TMEM200A: variants seen among roughly 807,000 people sequenced by gnomAD.
TMEM200A encodes the protein transmembrane protein 200A.
TMEM200A carries 12 observed loss-of-function variants against 24.3 expected under a neutral mutation model. The ratio of observed to expected loss-of-function variants is 0.49; its 90% confidence interval spans 0.32 to 0.80. The LOEUF (loss-of-function observed/expected upper bound fraction) is 0.80. TMEM200A is among the 30% of genes least tolerant of loss of function. The pLI, the probability that TMEM200A is intolerant of heterozygous loss-of-function variation, is 0.04. For missense variants in TMEM200A, 545 were observed against 614.4 expected, an observed-to-expected ratio of 0.89 and a Z score of 1.19; for synonymous variants, 224 against 224.4, an observed-to-expected ratio of 1.00 and a Z score of 0.02.
At chr6:130,386,833 G>T (rs780957917) in intron 2 of TMEM200A, among the ~76,000 whole-genome samples, 16 of 152,124 alleles carry the variant, frequency 1.1e-4, no homozygotes, top group Non-Finnish European at 2.4e-4. Context: ...TTAAAACTAT[G>T]CTCAAAGGCA....
At chr6:130,380,670 A>C (rs1778574908) in intron 1 of TMEM200A, among the ~76,000 whole-genome samples, 1 of 152,206 alleles carries the variant, frequency 6.6e-6, no homozygotes, top group African/African-American at 2.4e-5. Flanking sequence ...CCTACAGTGA[A>C]ATACATAGCA....
intron 1 of TMEM200A, among the ~76,000 whole-genome samples, chr6:130,378,214 C>G (rs1778507420): frequency 6.6e-6 from 1 of 152,080 alleles, no homozygotes; most frequent in Admixed American, 6.5e-5. Flanking sequence ...ATATCACTTT[C>G]ATGTGACCAC....
At chr6:130,365,826 C>T, upstream of TMEM200A, 3 of 985,640 alleles carry the variant, frequency 3.0e-6, no homozygotes, top group Non-Finnish European at 3.6e-6. Flanking sequence ...TCCTGCAGAG[C>T]AGATCCTGTC....
intron 2 of TMEM200A, among the ~76,000 whole-genome samples, chr6:130,389,308 C>A (rs990433148): frequency 1.3e-5 from 2 of 152,164 alleles, no homozygotes; most frequent in African/African-American, 4.8e-5. Context: ...TCCTGATTTC[C>A]AGCCCTGGGC....
intron 2 of TMEM200A, among the ~76,000 whole-genome samples, chr6:130,398,600 A>G (rs548011304): frequency 1.3e-5 from 2 of 152,268 alleles, no homozygotes; most frequent in Admixed American, 1.3e-4. Context: ...CACTACCACC[A>G]GTAGTGTATA....
chr6:130,420,405 C>T (rs1205703628), intron 2 of TMEM200A, among the ~76,000 whole-genome samples: 1 of 152,116 alleles, frequency 6.6e-6, no homozygotes, highest in East Asian at 1.9e-4. Context: ...TGACCCATTG[C>T]TATCTGGAAG....
At chr6:130,384,674 C>G (rs1473457425) in intron 1 of TMEM200A, among the ~76,000 whole-genome samples, 1 of 152,136 alleles carries the variant, frequency 6.6e-6, no homozygotes, top group Non-Finnish European at 1.5e-5. Flanking sequence ...TTCAAACTTT[C>G]CTTTGTAGTT....
chr6:130,424,397 G>T (rs77323575), intron 2 of TMEM200A, among the ~76,000 whole-genome samples: 2,776 of 152,172 alleles, frequency 0.018, 23 homozygotes, highest in Non-Finnish European at 0.027. Context: ...ATAAATGCTA[G>T]TTCTCTTCTC....
At chr6:130,433,135 T>C (rs1037050021) in intron 2 of TMEM200A, among the ~76,000 whole-genome samples, 2 of 144,828 alleles carry the variant, frequency 1.4e-5, no homozygotes, top group Admixed American at 1.3e-4. Flanking sequence ...TAAAAGATGA[T>C]CTTTTTTTTT....
chr6:130,366,551 G>A lies in TMEM200A; in HGVS notation c.-81+27G>A. On this transcript the variant is annotated intron_variant, in intron 1 of 2. Transcript: ENST00000296978. This position sits in a 1 kb window ranked among gnomAD's most constrained non-coding sequence, Gnocchi z 4.4. ...TGAGGGGAAGGAAAGGGTGCTGACGGGAGTGGGGAGGTGGGTGGGCGGCCA... is the reference window on the plus strand; with the variant it reads ...TGAGGGGAAGGAAAGGGTGCTGACGAGAGTGGGGAGGTGGGTGGGCGGCCA... 3.0e-6 allele frequency: 3 copies of A among 985,962 alleles called. No homozygotes were observed. The highest frequency in any genetic ancestry group is 3.6e-6 in the Non-Finnish European group (3 of 830,380). 61.1% of individuals were successfully genotyped at this position (985,962 alleles called of 1,614,324 possible). A position where few individuals can be genotyped will look rare whatever the true frequency, so the allele number is the denominator to read the frequency against.
intron 2 of TMEM200A, among the ~76,000 whole-genome samples, chr6:130,404,919 A>G (rs997563114): frequency 6.6e-6 from 1 of 152,164 alleles, no homozygotes; most frequent in Non-Finnish European, 1.5e-5. Context: ...TGAATAGGGA[A>G]TCCTTTCCCC....
chr6:130,375,211 G>A (rs1778423973), intron 1 of TMEM200A, among the ~76,000 whole-genome samples: 1 of 152,152 alleles, frequency 6.6e-6, no homozygotes, highest in African/African-American at 2.4e-5. Context: ...ATTATTTAGA[G>A]AGATTCATTC....
intron 2 of TMEM200A, among the ~76,000 whole-genome samples, chr6:130,409,152 C>A (rs1328168848): frequency 1.3e-5 from 2 of 152,108 alleles, no homozygotes; most frequent in African/African-American, 4.8e-5. Context: ...CTAAGGTTTT[C>A]TCTACCTTTT....
At chr6:130,436,329 A>G (rs117396092) in intron 2 of TMEM200A, among the ~76,000 whole-genome samples, 2,772 of 152,140 alleles carry the variant, frequency 0.018, 23 homozygotes, top group Non-Finnish European at 0.027. Context: ...TATTACTATT[A>G]TTATTAAAAC....
intron 1 of TMEM200A, among the ~76,000 whole-genome samples, chr6:130,378,001 C>T (rs559430842): frequency 6.6e-6 from 1 of 152,090 alleles, no homozygotes; most frequent in African/African-American, 2.4e-5. Context: ...GAGTGTGCCG[C>T]AGGAGGAATA....
intron 2 of TMEM200A, among the ~76,000 whole-genome samples, chr6:130,388,040 CA>C (rs1382962878): frequency 6.6e-6 from 1 of 152,102 alleles, no homozygotes; most frequent in Non-Finnish European, 1.5e-5. Flanking sequence ...GGTAGCATAG[CA>C]AGTGCCGCTC....
Position 130,399,568 on chromosome 6 carries a change from TTTTG to T in TMEM200A, c.-17+14336_-17+14339del, listed in dbSNP as rs1355381904. Reference sequence around the variant, plus strand: ...TATTATTATATTTTTATTCGACAAATTTTGTTTAAAAACACCATTTCTTTTTTCA... The same window carrying T: ...TATTATTATATTTTTATTCGACAAATTTTAAAAACACCATTTCTTTTTTCA... On this transcript the variant is annotated intron_variant, in intron 2 of 2. Coordinates refer to ENST00000296978, the MANE Select transcript of TMEM200A (RefSeq NM_001258277.2). 2.0e-5 allele frequency among the ~76,000 whole-genome samples: 3 copies of T among 151,910 alleles called. No homozygotes were observed. In the East Asian group the frequency reaches 5.8e-4, roughly 29 times the overall value.
chr6:130,429,033 T>C (rs1028952048), intron 2 of TMEM200A, among the ~76,000 whole-genome samples: 1 of 152,136 alleles, frequency 6.6e-6, no homozygotes, highest in African/African-American at 2.4e-5. Flanking sequence ...GAAAGGTCTA[T>C]GTTAAAAAAA....
At position 130,422,791 on chromosome 6, in the gene TMEM200A, C is replaced by T. The variant is rs141956891; in HGVS notation, c.-16-17616C>T. 9.9e-5 allele frequency among the ~76,000 whole-genome samples: 15 copies of T among 152,258 alleles called. No individual in the cohort carries two copies. The South Asian group carries it at 3.1e-3, about 32-fold the overall frequency. On this transcript the variant is annotated intron_variant, in intron 2 of 2. Transcript: ENST00000296978. ...TTGCATATGGCCAAAATAGTGAAGG[C>T]ATTTGGACCCTTTCAACCAACTATT... is the stretch of plus-strand genomic sequence containing the variant.
Sources: allele counts gnomAD v4.1 joint callset (sites outside exome capture counted in the v4.1 genomes callset), GRCh38; gene constraint gnomAD v4.1.1; non-coding constraint Gnocchi (gnomAD v3.1); transcripts MANE v1.5; gene names NCBI Gene and HGNC (gene_info 2026-07-23, HGNC 2026-07-21).